The following DNAJC9 variants were observed in gnomAD, a reference collection of about 807,000 sequenced individuals.
The protein encoded by DNAJC9 is dnaJ homolog subfamily C member 9.
DNAJC9 carries 18 observed loss-of-function variants against 32.4 expected under a neutral mutation model. The ratio of observed to expected loss-of-function variants is 0.56; its 90% CI spans 0.38 to 0.82. The LOEUF (loss-of-function observed/expected upper bound fraction) is 0.82. DNAJC9 is among the 40% of genes least tolerant of loss of function. The pLI is 0.00. For missense variants in DNAJC9, 310 were observed against 321.8 expected, an observed-to-expected ratio of 0.96 and a Z score of 0.28; for synonymous variants, 113 against 122.1, an observed-to-expected ratio of 0.93 and a Z score of 0.49.
In DNAJC9 at chr10:73,246,168, T is replaced by G; in HGVS notation, c.330A>C (p.Leu110Phe). The change falls in exon 3 of 5, where the codon TTA (leucine) becomes TTC (phenylalanine). Residue 110 changes from leucine (L) to phenylalanine (F), a missense_variant. By Grantham distance (22) the Leu-to-Phe change is conservative. Transcript: ENST00000372950. The part of the protein sequence containing the change: ...YWRLLFKKIS[L>F]EDIQAFEKTY... ...TCTTTTCAAAAGCTTGAATGTCCTC[T>G]AAAGATATCTGATGATAAAGGAGAT... 6.2e-7 allele frequency: 1 copy of G among 1,603,870 alleles called. No individual in the cohort carries two copies. Among genetic ancestry groups the G allele is most frequent in the Non-Finnish European group, 8.5e-7 (1 of 1,177,588 alleles).
downstream of DNAJC9, among the ~76,000 whole-genome samples, chr10:73,236,285 G>T (rs551039989): frequency 1.3e-5 from 2 of 152,250 alleles, no homozygotes; most frequent in South Asian, 4.1e-4. Flanking sequence ...CAAAATCAAG[G>T]TGTCAACAGA....
downstream of DNAJC9, among the ~76,000 whole-genome samples, chr10:73,237,151 C>T (rs2043840522): frequency 6.6e-6 from 1 of 152,136 alleles, no homozygotes. Flanking sequence ...CTGCAAAGAC[C>T]CTATTTCCAA....
At chr10:73,245,396 A>G (rs1443109279) in intron 3 of DNAJC9, among the ~76,000 whole-genome samples, 2 of 142,122 alleles carry the variant, frequency 1.4e-5, no homozygotes, top group Non-Finnish European at 3.1e-5. Context: ...GTCTTCCACA[A>G]AACAGGTACC....
At chr10:73,233,066 C>A (rs372801139) in intron 2 of DNAJC9, 2 of 1,551,474 alleles carry the variant, frequency 1.3e-6, no homozygotes, top group South Asian at 2.4e-5. Context: ...CACCAGGAGA[C>A]GCAATCCACC....
chr10:73,239,516 A>T (rs1424409959), downstream of DNAJC9: 1 of 638,572 alleles, frequency 1.6e-6, no homozygotes, highest in Non-Finnish European at 2.6e-6. Flanking sequence ...CATCTTTGTA[A>T]ATCACCTAAA....
chr10:73,235,789 T>C (rs1251702990), downstream of DNAJC9, among the ~76,000 whole-genome samples: 1 of 152,142 alleles, frequency 6.6e-6, no homozygotes, highest in Non-Finnish European at 1.5e-5. Context: ...TGCCTTAGCC[T>C]CCCGAGTAGC....
chr10:73,243,772 A>G, intron 4 of DNAJC9, 71 bp downstream of exon 4: 2 of 1,407,126 alleles, frequency 1.4e-6, no homozygotes, highest in Admixed American at 1.9e-5. Flanking sequence ...AACAAAATAC[A>G]ACATTCCAAA....
intron 2 of DNAJC9, 59 bp from the exon 3 acceptor site, chr10:73,246,235 T>C: frequency 6.4e-7 from 1 of 1,551,426 alleles, no homozygotes; most frequent in Non-Finnish European, 8.7e-7. Context: ...AAAACGTACG[T>C]TAGTAAAACT....
rs1221219358 is a variant in DNAJC9 at position 73,247,006 on chromosome 10, A to C, written c.180+4T>G. On this transcript the variant is annotated splice_donor_region_variant and intron_variant, in intron 1 of 4. Coordinates refer to ENST00000372950, the MANE Select transcript of DNAJC9 (RefSeq NM_015190.5). ...GGTCGGCTTCGGGGCGGGACCCTGC[A>C]TACCTGGAAGCGGCGGGTGGCGTCC... The C allele has an allele frequency of 1.9e-6, 3 of 1,563,280 alleles. No individual in the cohort carries two copies. The highest frequency in any genetic ancestry group is 1.8e-5 in the Admixed American group (1 of 55,584).
At chr10:73,240,699 G>C (rs932905778), downstream of DNAJC9, among the ~76,000 whole-genome samples, 2 of 150,034 alleles carry the variant, frequency 1.3e-5, no homozygotes, top group Non-Finnish European at 3.0e-5. Context: ...GGGGGACAGA[G>C]TGAGACTCCA....
downstream of DNAJC9, chr10:73,239,284 A>G (rs2133417213): frequency 6.5e-7 from 1 of 1,535,794 alleles, no homozygotes; most frequent in East Asian, 2.4e-5. Context: ...GATGCATCAT[A>G]AGAAGTGTCT....
chr10:73,241,361 C>T (rs2043948219), downstream of DNAJC9: 2 of 249,396 alleles, frequency 8.0e-6, no homozygotes, highest in South Asian at 4.9e-5. Flanking sequence ...GATGAGCTCA[C>T]ACATACACAA....
At chr10:73,239,130 G>A (rs1366611430), downstream of DNAJC9, 1 of 523,442 alleles carries the variant, frequency 1.9e-6, no homozygotes, top group Non-Finnish European at 3.4e-6. Flanking sequence ...TGGCTTTGTG[G>A]GCATCTGGCT....
chr10:73,244,236 CTG>C, intron 3 of DNAJC9: 1 of 310,890 alleles, frequency 3.2e-6, no homozygotes, highest in South Asian at 3.8e-5. Context: ...TGGCTCACAA[CTG>C]TAATCCCCAT....
chr10:73,235,120 T>C, downstream of DNAJC9: 1 of 1,493,596 alleles, frequency 6.7e-7, no homozygotes, highest in East Asian at 2.5e-5. Context: ...TCTGCCATGG[T>C]CGATAGGGTT....
chr10:73,245,637 C>T (rs1218636329), intron 3 of DNAJC9, among the ~76,000 whole-genome samples: 1 of 152,088 alleles, frequency 6.6e-6, no homozygotes, highest in Non-Finnish European at 1.5e-5. Context: ...TGAGGAATGC[C>T]TCAGGAATGC....
downstream of DNAJC9, chr10:73,240,804 C>A: frequency 1.7e-6 from 1 of 581,874 alleles, no homozygotes; most frequent in South Asian, 2.0e-5. Context: ...AATTAGTGGG[C>A]TCTTCTACAA....
rs1219683291 is a variant in DNAJC9, at chr10:73,242,254, T to G, written c.*1146A>C. 1 of 152,234 alleles carries G rather than the reference T, an allele frequency of 6.6e-6. No homozygotes were observed. Among genetic ancestry groups the G allele is most frequent in the East Asian group, 1.9e-4 (1 of 5,206 alleles). 9.4% of individuals were successfully genotyped at this position (152,234 alleles called of 1,614,324 possible). On this transcript the variant is annotated 3_prime_UTR_variant, in exon 5 of 5. Coordinates refer to ENST00000372950, the MANE Select transcript of DNAJC9 (RefSeq NM_015190.5). ...GGCTTACTTTATGCATACGGTATAT[T>G]TAATAGTCTACAAATCAAAGATTTA... is the stretch of plus-strand genomic sequence containing the variant.
At chr10:73,236,085 T>C (rs1160051688), downstream of DNAJC9, among the ~76,000 whole-genome samples, 3 of 152,150 alleles carry the variant, frequency 2.0e-5, no homozygotes, top group African/African-American at 7.2e-5. Flanking sequence ...GCAGCACACT[T>C]GTCCCAACTC....
Sources: gnomAD v4.1 joint callset for allele counts (sites outside exome capture counted in the v4.1 genomes callset) on GRCh38, gnomAD v4.1.1 for gene constraint, MANE v1.5 for transcripts, NCBI Gene and HGNC (gene_info 2026-07-23, HGNC 2026-07-21) for gene names.